The following DYSF variants were observed in gnomAD, a reference collection of about 807,000 sequenced individuals.
The protein encoded by DYSF is dysferlin, also known as dystrophy-associated fer-1-like 1.
A neutral mutation model predicts 274.9 loss-of-function variants in DYSF; 212 were observed. The observed-to-expected ratio is 0.77, with a 90% CI of 0.69 to 0.86. The LOEUF (loss-of-function observed/expected upper bound fraction) is 0.86, where lower values mean the gene tolerates loss of function less well. Among genes scored for constraint, DYSF ranks in the 40% least tolerant of loss-of-function variants. DYSF has a pLI of 0.00. For synonymous variants in DYSF, 1,091 were observed against 1,078.7 expected (o/e 1.01, Z -0.22); for missense variants, 2,666 against 2,783.2 (o/e 0.96, Z 0.95).
Position 71,664,361 on chromosome 2 carries a change from T to C in DYSF, c.5097T>C (p.Gly1699=). Residue 1699 remains glycine, a synonymous_variant, in exon 46 of 56, where the codon GGT becomes GGC. Coordinates refer to ENST00000410020, the MANE Select transcript of DYSF (RefSeq NM_001130987.2). ...TCCTCTCCAAGGACGAAAAGATCGGTGAGACGGTCGTCGACCTGGAGAACA... is the reference window on the plus strand; with the variant it reads ...TCCTCTCCAAGGACGAAAAGATCGGCGAGACGGTCGTCGACCTGGAGAACA... ...YDLLSKDEKI[G]ETVVDLENRL... is the part of the protein sequence containing the mutation. 3 of 1,614,142 alleles carry C rather than the reference T, an allele frequency of 1.9e-6. No homozygotes were observed. The highest frequency in any genetic ancestry group is 2.5e-6 in the Non-Finnish European group (3 of 1,179,970).
chr2:71,581,112 T>G (rs1023782784), intron 30 of DYSF, among the ~76,000 whole-genome samples: 3 of 152,246 alleles, frequency 2.0e-5, no homozygotes, highest in Non-Finnish European at 4.4e-5. Context: ...AGAGTTGTCC[T>G]AATTACCAAG....
At chr2:71,537,229 T>TTTTTG (rs2089454050) in intron 16 of DYSF, among the ~76,000 whole-genome samples, 3 of 136,316 alleles carry the variant, frequency 2.2e-5, no homozygotes, top group African/African-American at 9.2e-5. Context: ...TTTTGTTTTT[T>TTTTTG]TTTTTTTTTT....
chr2:71,607,101 C>T (rs2093661650), intron 36 of DYSF, among the ~76,000 whole-genome samples: 1 of 152,184 alleles, frequency 6.6e-6, no homozygotes. Flanking sequence ...ATTGATGTGT[C>T]TTTCTATGGG....
At chr2:71,570,158 C>A in intron 27 of DYSF, 71 bp from the exon 28 acceptor site, 1 of 1,412,974 alleles carries the variant, frequency 7.1e-7, no homozygotes, top group Non-Finnish European at 1.0e-6. Context: ...TGTCAAGTTG[C>A]ATCTTTTCTG....
intron 1 of DYSF, among the ~76,000 whole-genome samples, chr2:71,471,184 A>G (rs2082010025): frequency 6.6e-6 from 1 of 152,212 alleles, no homozygotes; most frequent in African/African-American, 2.4e-5. Flanking sequence ...AAATAGCCCC[A>G]AATCCTGCCA....
intron 16 of DYSF, among the ~76,000 whole-genome samples, chr2:71,537,601 T>C (rs2089512259): frequency 6.6e-6 from 1 of 152,200 alleles, no homozygotes; most frequent in African/African-American, 2.4e-5. Context: ...CTGTCTGTGC[T>C]GACAATTCAT....
rs1200068107 is a variant in DYSF at position 71,561,884 on chromosome 2, C to T, written c.2349C>T (p.Leu783=). The part of the protein sequence containing the change: ...ALALKLGHSE[L]PAALEQAEDW... Reference sequence around the variant, plus strand: ...CCCTGAAGCTCGGCCACAGTGAGCTCCCTGCAGCTCTGGAGCAGGCGGAGG... The same window carrying T: ...CCCTGAAGCTCGGCCACAGTGAGCTTCCTGCAGCTCTGGAGCAGGCGGAGG... Residue 783 remains leucine (L), a synonymous_variant, in exon 23 of 56, where the codon CTC becomes CTT. Transcript: ENST00000410020. 6.2e-7 allele frequency: 1 copy of T among 1,614,062 alleles called. No homozygotes were observed. The highest frequency in any genetic ancestry group is 1.3e-5 in the African/African-American group (1 of 74,928).
At chr2:71,679,382 A>G in intron 53 of DYSF, 147 bp downstream of exon 53, 1 of 814,698 alleles carries the variant, frequency 1.2e-6, no homozygotes, top group Middle Eastern at 3.7e-4. Context: ...CTCTCTCTCT[A>G]TTTTCCAAGG....
chr2:71,626,309 T>G (rs565857259), intron 41 of DYSF, among the ~76,000 whole-genome samples: 3 of 40,708 alleles, frequency 7.4e-5, no homozygotes, highest in South Asian at 1.4e-3. Flanking sequence ...TAGTTAGCTG[T>G]TTTTTTTCAT....
At chr2:71,662,632 G>T (rs1049819432) in intron 45 of DYSF, among the ~76,000 whole-genome samples, 8 of 59,714 alleles carry the variant, frequency 1.3e-4, no homozygotes, top group African/African-American at 5.8e-4. Context: ...TGTGTGGCAT[G>T]TGTGTATTTT....
chr2:71,570,442 G>A, intron 28 of DYSF, 108 bp downstream of exon 28: 1 of 1,421,104 alleles, frequency 7.0e-7, no homozygotes, highest in South Asian at 1.2e-5. Flanking sequence ...TTCACCCAGG[G>A]ACGCTTCTTG....
chr2:71,459,428 A>C (rs933237160), intron 1 of DYSF, among the ~76,000 whole-genome samples: 21 of 152,134 alleles, frequency 1.4e-4, no homozygotes, highest in Non-Finnish European at 2.9e-4. Context: ...GCACTTCCAG[A>C]AACGTGGCAG....
rs79470017 is a variant in DYSF at position 71,516,854 on chromosome 2, C to T, written c.952-135C>T. On this transcript the variant is annotated intron_variant, in intron 9 of 55. Coordinates refer to ENST00000410020, the MANE Select transcript of DYSF (RefSeq NM_001130987.2). ...ATGGGGTTCCTGTGAGGGCTAAACA[C>T]TGCTTAGAACAGTCTCTGGAATTGA... 70,853 of 850,058 alleles carry T rather than the reference C, an allele frequency of 0.083. 3,214 individuals are homozygous for T. Among genetic ancestry groups the T allele is most frequent in the African/African-American group, 0.11 (6,491 of 60,436 alleles). 52.7% of individuals were successfully genotyped at this position (850,058 alleles called of 1,614,324 possible).
In DYSF at chr2:71,555,982, G is replaced by C; in HGVS notation, c.2127G>C (p.Gln709His). 2.6e-6 allele frequency: 4 copies of C among 1,564,624 alleles called. No homozygotes were observed. The highest frequency in any genetic ancestry group is 3.5e-6 in the Non-Finnish European group (4 of 1,154,234). ...IADRLEAGLE[Q>H]VHLALKAQCS... ...TTCCACAGGAAGCTGGCCTGGAGCA[G>C]GTCCACCTGGCCCTGAAGGCGCAGT... The change falls in exon 22 of 56, where the codon CAG becomes CAC. Residue 709 changes from glutamine (Q) to histidine (H), a missense_variant. By Grantham distance (24) the Gln-to-His change is conservative. This residue lies in a region of DYSF where 412 missense variants were observed against 504.0 expected (regional missense o/e 0.82). Coordinates refer to ENST00000410020, the MANE Select transcript of DYSF (RefSeq NM_001130987.2).
At chr2:71,680,936 G>C in intron 53 of DYSF, 65 bp from the exon 54 acceptor site, 2 of 1,414,504 alleles carry the variant, frequency 1.4e-6, no homozygotes, top group Admixed American at 3.5e-5. Flanking sequence ...TTTCTGGCCT[G>C]GTTACTCTCC....
At chr2:71,592,377 G>A (rs1366068158) in intron 32 of DYSF, among the ~76,000 whole-genome samples, 1 of 151,698 alleles carries the variant, frequency 6.6e-6, no homozygotes, top group Non-Finnish European at 1.5e-5. Flanking sequence ...GCACTGCCCA[G>A]GGCTTCCTCA....
chr2:71,669,507 C>T (rs2095081106), intron 50 of DYSF, 98 bp from the exon 51 acceptor site: 10 of 1,467,676 alleles, frequency 6.8e-6, no homozygotes, highest in South Asian at 2.3e-5. Context: ...GCGATAAGCT[C>T]ATTTACCTTC....
At chr2:71,575,163 G>C (rs2092661325) in intron 30 of DYSF, among the ~76,000 whole-genome samples, 1 of 152,154 alleles carries the variant, frequency 6.6e-6, no homozygotes, top group Non-Finnish European at 1.5e-5. Flanking sequence ...CTATCTGTAG[G>C]ACAGCCTGGC....
At chr2:71,521,726 G>C (rs376482144) in intron 12 of DYSF, among the ~76,000 whole-genome samples, 15 of 152,214 alleles carry the variant, frequency 9.9e-5, no homozygotes, top group Non-Finnish European at 1.9e-4. Context: ...CCACCTGGAC[G>C]TGCTGCTTGG....
Sources: allele counts gnomAD v4.1 joint callset (sites outside exome capture counted in the v4.1 genomes callset), GRCh38; gene constraint gnomAD v4.1.1; regional missense constraint gnomAD v4.1.1; transcripts MANE v1.5; gene names NCBI Gene and HGNC (gene_info 2026-07-23, HGNC 2026-07-21).